Variants in EML4 observed in about 807,000 individuals in gnomAD.
The protein encoded by EML4 is EMAP like 4.
Under a neutral mutation model 129.0 loss-of-function variants are expected in EML4, and 72 were observed. That is an observed-to-expected ratio of 0.56 (90% CI 0.46 to 0.68). The LOEUF is 0.68. Ranked by LOEUF, EML4 falls within the 30% of genes least tolerant of loss-of-function variation. The probability of loss-of-function intolerance (pLI) is 0.00; values close to 1 mark genes in which losing one functional copy is unlikely to be tolerated. For synonymous variants in EML4, 532 were observed against 405.0 expected (o/e 1.31, Z -3.77); for missense variants, 1,363 against 1,190.6 (o/e 1.14, Z -2.13).
At chr2:42,220,678 TGATGAAGCTTA>T (rs1413609693) in intron 1 of EML4, among the ~76,000 whole-genome samples, 4 of 152,048 alleles carry the variant, frequency 2.6e-5, no homozygotes, top group Admixed American at 2.6e-4. Context: ...AAGCTAGAAA[TGATGAAGCTTA>T]GATGAAGAAG....
intron 2 of EML4, 39 bp downstream of exon 2, chr2:42,245,726 G>T (rs765959896): frequency 2.0e-6 from 3 of 1,497,100 alleles, no homozygotes; most frequent in South Asian, 1.3e-5. Context: ...CTTGCTTTTT[G>T]CAATATTTTC....
intron 6 of EML4, among the ~76,000 whole-genome samples, chr2:42,275,643 T>C (rs752146626): frequency 3.9e-5 from 6 of 152,216 alleles, no homozygotes; most frequent in Admixed American, 1.3e-4. Flanking sequence ...AGAATATTTA[T>C]GTTGTTTGAA....
chr2:42,263,445 G>T (rs538424746), intron 5 of EML4, 139 bp downstream of exon 5: 8 of 798,448 alleles, frequency 1.0e-5, no homozygotes, highest in Non-Finnish European at 1.4e-5. Context: ...TTGCTCTGTC[G>T]CCAGGCTGGA....
chr2:42,329,712 C>T, intron 22 of EML4, 22 bp from the exon 23 acceptor site: 1 of 1,589,854 alleles, frequency 6.3e-7, no homozygotes, highest in Non-Finnish European at 8.6e-7. Context: ...ATTTTCCTGT[C>T]TGTCTGATTT....
intron 6 of EML4, among the ~76,000 whole-genome samples, chr2:42,271,698 C>T (rs1287597152): frequency 2.6e-5 from 4 of 151,324 alleles, no homozygotes; most frequent in African/African-American, 9.8e-5. Flanking sequence ...CGTATTTTTG[C>T]TATACACATA....
At chr2:42,228,377 G>T (rs1291517684) in intron 1 of EML4, among the ~76,000 whole-genome samples, 1 of 152,144 alleles carries the variant, frequency 6.6e-6, no homozygotes, top group Non-Finnish European at 1.5e-5. Context: ...GATGAGTTTT[G>T]CTGATATAGC....
chr2:42,293,698 G>A (rs1667786444), intron 11 of EML4, among the ~76,000 whole-genome samples: 3 of 152,086 alleles, frequency 2.0e-5, no homozygotes, highest in Admixed American at 1.3e-4. Flanking sequence ...TGCAGTCTCT[G>A]CCTCCCGGGT....
intron 17 of EML4, among the ~76,000 whole-genome samples, chr2:42,308,216 A>C (rs1176094780): frequency 2.0e-5 from 3 of 152,214 alleles, no homozygotes; most frequent in Non-Finnish European, 4.4e-5. Context: ...TTAACACGTT[A>C]ATGCTGCAGG....
At position 42,331,410 on chromosome 2, in the gene EML4, T is replaced by G. The variant is rs1670093674; in HGVS notation, c.*1203T>G. 1 of 224,008 alleles carries G rather than the reference T, an allele frequency of 4.5e-6. No homozygotes were observed. Among genetic ancestry groups the G allele is most frequent in the African/African-American group, 2.2e-5 (1 of 44,760 alleles). 13.9% of individuals were successfully genotyped at this position (224,008 alleles called of 1,614,324 possible). ...CATGTATTATGCATTGGAAAGGTAT[T>G]TTTTTTAAGTTCTGTTGGCTAGCTA... On this transcript the variant is annotated 3_prime_UTR_variant, in exon 23 of 23. Coordinates refer to ENST00000318522, the MANE Select transcript of EML4 (RefSeq NM_019063.5).
rs1180877654 is a variant in EML4, at chr2:42,330,044, A to T, written c.2783A>T (p.Glu928Val). ...CCCACACTTCTGGAGAACAGCCTGGAACAAACTGTGGAGCCAAGTGAAGAC... is the reference window on the plus strand; with the variant it reads ...CCCACACTTCTGGAGAACAGCCTGGTACAAACTGTGGAGCCAAGTGAAGAC... Reference protein sequence around the residue: ...SSPTLLENSLEQTVEPSEDHS... With the variant: ...SSPTLLENSLVQTVEPSEDHS... The change falls in exon 23 of 23, where the codon GAA becomes GTA. Residue 928 changes from glutamate (E) to valine (V), a missense_variant. Transcript: ENST00000318522. The T allele has an allele frequency of 1.2e-6, 2 of 1,613,420 alleles. No individual in the cohort carries two copies. Among genetic ancestry groups the T allele is most frequent in the African/African-American group, 1.3e-5 (1 of 74,670 alleles).
chr2:42,216,230 C>CTTTTTTTTTTTTTTTTTTT (rs61417977), intron 1 of EML4, among the ~76,000 whole-genome samples: 1 of 43,356 alleles, frequency 2.3e-5, no homozygotes, highest in African/African-American at 1.3e-4. Context: ...CGGCCCACTT[C>CTTTTTTTTTTTTTTTTTTT]TTTTTTTTTT....
At chr2:42,169,696 C>A in intron 1 of EML4, 60 bp downstream of exon 1, 1 of 1,573,898 alleles carries the variant, frequency 6.4e-7, no homozygotes, top group Non-Finnish European at 8.6e-7. Flanking sequence ...TTTCCTTCCG[C>A]ACACAGCCCA....
At chr2:42,255,415 A>G (rs893570587) in intron 2 of EML4, among the ~76,000 whole-genome samples, 2 of 152,152 alleles carry the variant, frequency 1.3e-5, no homozygotes, top group East Asian at 3.8e-4. Context: ...TGGGGTGATG[A>G]AAATGTTTTG....
Position 42,185,415 on chromosome 2 carries a change from A to G in EML4, c.25+15779A>G, listed in dbSNP as rs141557693. Reference sequence around the variant, plus strand: ...GCGTAGAGTAGTAGTAACAGAGACCAAATGGCCTGCAGAGCCTAAAAATCT... The same window carrying G: ...GCGTAGAGTAGTAGTAACAGAGACCGAATGGCCTGCAGAGCCTAAAAATCT... On this transcript the variant is annotated intron_variant, in intron 1 of 22. Coordinates refer to ENST00000318522, the MANE Select transcript of EML4 (RefSeq NM_019063.5). Among the ~76,000 whole-genome samples, 496 of 152,362 alleles carry G rather than the reference A, an allele frequency of 3.3e-3. 2 individuals are homozygous for G. Among genetic ancestry groups the G allele is most frequent in the African/African-American group, 0.011 (476 of 41,586 alleles).
At chr2:42,283,682 G>A (rs1344316800) in intron 8 of EML4, among the ~76,000 whole-genome samples, 2 of 152,094 alleles carry the variant, frequency 1.3e-5, no homozygotes, top group East Asian at 1.9e-4. Context: ...TATAGATATT[G>A]AACTTTTGGA....
At position 42,252,798 on chromosome 2, in the gene EML4, T is replaced by C. The variant is rs1675869632; in HGVS notation, c.209-3703T>C. On this transcript the variant is annotated intron_variant, in intron 2 of 22. Transcript: ENST00000318522. ...TTATTCTTTAAGGCCTTATTCTGTG[T>C]TTTTTCAAGGAAGCCTTTCTTGAGC... 4.6e-5 allele frequency among the ~76,000 whole-genome samples: 7 copies of C among 152,244 alleles called. No homozygotes were observed. In the South Asian group the frequency reaches 1.5e-3, roughly 32 times the overall value.
chr2:42,307,384 G>T (rs962478027), intron 17 of EML4, among the ~76,000 whole-genome samples: 18 of 152,208 alleles, frequency 1.2e-4, no homozygotes, highest in African/African-American at 4.3e-4. Flanking sequence ...TGAAAGTGCT[G>T]GCAGTCCATT....
rs1668270505 is a variant in EML4, at chr2:42,301,267, A to C, written c.1516A>C (p.Lys506Gln). Residue 506 changes from lysine to glutamine, a missense_variant, in exon 14 of 23, where the codon AAA becomes CAA. Transcript: ENST00000318522. Reference protein sequence around the residue: ...KGVYQISKQIKAHDGSVFTLC... With the variant: ...KGVYQISKQIQAHDGSVFTLC... ...TGTATATCAAATCAGCAAACAAATC[A>C]AAGCTCATGATGGCAGTGTGTTCAC... 1 of 1,612,708 alleles carries C rather than the reference A, an allele frequency of 6.2e-7. No homozygotes were observed. The highest frequency in any genetic ancestry group is 8.5e-7 in the Non-Finnish European group (1 of 1,179,476).
In EML4 at chr2:42,330,864, A is replaced by G; in HGVS notation, c.*657A>G. On this transcript the variant is annotated 3_prime_UTR_variant, in exon 23 of 23. Coordinates refer to ENST00000318522, the MANE Select transcript of EML4 (RefSeq NM_019063.5). ...AGTCATAATGAGGAACAGTCCCTTA[A>G]TTTCTTGTGTGCAACTCTGTTTTAT... 4.8e-6 allele frequency: 1 copy of G among 206,760 alleles called. No individual in the cohort carries two copies. The highest frequency in any genetic ancestry group is 9.9e-6 in the Non-Finnish European group (1 of 100,870). 12.8% of individuals were successfully genotyped at this position (206,760 alleles called of 1,614,324 possible).
Sources: gnomAD v4.1 joint callset for allele counts (sites outside exome capture counted in the v4.1 genomes callset) on GRCh38, gnomAD v4.1.1 for gene constraint, MANE v1.5 for transcripts, NCBI Gene and HGNC (gene_info 2026-07-23, HGNC 2026-07-21) for gene names.